The following MITF variants were observed in gnomAD, a reference collection of about 807,000 sequenced individuals.
The protein encoded by MITF is melanocyte inducing transcription factor, also known as microphthalmia-associated transcription factor.
MITF carries 17 observed loss-of-function variants against 60.5 expected under a neutral mutation model. The observed-to-expected ratio is 0.28, with a 90% CI of 0.19 to 0.42. MITF has a LOEUF of 0.42. Among genes scored for constraint, MITF ranks in the 10% least tolerant of loss-of-function variants. MITF has a pLI of 1.00. For missense variants in MITF, 622 were observed against 683.5 expected (o/e 0.91, Z 1.00); for synonymous variants, 260 against 248.5 (o/e 1.05, Z -0.43).
intron 1 of MITF, among the ~76,000 whole-genome samples, chr3:69,838,367 T>A (rs1044078835): frequency 1.1e-4 from 15 of 139,906 alleles, no homozygotes; most frequent in Admixed American, 1.4e-4. Context: ...AAAAAAAAAA[T>A]AGAGGCACAC....
chr3:69,796,517 T>TTTTTTTTGTTG, intron 1 of MITF, among the ~76,000 whole-genome samples: 1 of 117,288 alleles, frequency 8.5e-6, no homozygotes, highest in Non-Finnish European at 1.9e-5. Flanking sequence ...TTTTTTTTTT[T>TTTTTTTTGTTG]GAGACGGAGT....
intron 1 of MITF, among the ~76,000 whole-genome samples, chr3:69,762,028 A>G (rs948394163): frequency 6.6e-6 from 1 of 152,150 alleles, no homozygotes; most frequent in Admixed American, 6.5e-5. Context: ...TCATAAATTT[A>G]TAGCCAGTCT....
chr3:69,854,146 C>G (rs2063875374), intron 1 of MITF, among the ~76,000 whole-genome samples: 1 of 152,218 alleles, frequency 6.6e-6, no homozygotes, highest in Non-Finnish European at 1.5e-5. Context: ...CCGAGCCCAG[C>G]TGATCACTTC....
intron 2 of MITF, among the ~76,000 whole-genome samples, chr3:69,916,300 A>G (rs188226746): frequency 8.5e-5 from 13 of 152,292 alleles, no homozygotes; most frequent in Admixed American, 8.5e-4. Context: ...GAGATTACTG[A>G]TAAATTTTCA....
intron 1 of MITF, among the ~76,000 whole-genome samples, chr3:69,830,064 C>T (rs1035869734): frequency 1.3e-5 from 2 of 152,036 alleles, no homozygotes; most frequent in Non-Finnish European, 2.9e-5. Flanking sequence ...TTCAGCTCTG[C>T]GAATCTAGGA....
intron 2 of MITF, among the ~76,000 whole-genome samples, chr3:69,928,452 A>C (rs1245802827): frequency 6.6e-6 from 1 of 152,184 alleles, no homozygotes; most frequent in Admixed American, 6.5e-5. Context: ...GCAGATTTAA[A>C]AGTCTTCAGG....
chr3:69,755,574 C>T (rs1179260007), intron 1 of MITF, among the ~76,000 whole-genome samples: 3 of 149,918 alleles, frequency 2.0e-5, no homozygotes, highest in African/African-American at 7.4e-5. Context: ...TTGATTGTCA[C>T]ACAATTTCTC....
At chr3:69,813,545 A>T (rs956072997) in intron 1 of MITF, among the ~76,000 whole-genome samples, 33 of 152,174 alleles carry the variant, frequency 2.2e-4, no homozygotes, top group African/African-American at 7.7e-4. Context: ...GAAAAGGAAG[A>T]TCACTGCTAC....
chr3:69,758,893 A>G (rs1255132005), intron 1 of MITF: 1 of 215,070 alleles, frequency 4.6e-6, no homozygotes, highest in Non-Finnish European at 9.4e-6. Flanking sequence ...AATGGAGCTA[A>G]TGGCATGTCC....
chr3:69,828,500 T>C (rs56199973), intron 1 of MITF, among the ~76,000 whole-genome samples: 47,200 of 151,868 alleles, frequency 0.31, 8,862 homozygotes, highest in Non-Finnish European at 0.42. Context: ...GTATACGACA[T>C]TTTAATAGCT....
chr3:69,960,737 C>G (rs960078949), intron 9 of MITF, among the ~76,000 whole-genome samples: 1 of 152,126 alleles, frequency 6.6e-6, no homozygotes, highest in African/African-American at 2.4e-5. Flanking sequence ...AGTATGACAC[C>G]CTAGCGACCA....
chr3:69,754,612 C>G lies in MITF; in HGVS notation c.104+14911C>G, dbSNP rs566459722. 7.2e-5 allele frequency among the ~76,000 whole-genome samples: 11 copies of G among 151,914 alleles called. No homozygotes were observed. In the East Asian group the frequency reaches 2.1e-3, roughly 29 times the overall value. ...CTGTACAGCCTGCAGAACAGTGAACCAATTACATCTCTCTTTTTTTTTTTT... is the reference window on the plus strand; with the variant it reads ...CTGTACAGCCTGCAGAACAGTGAACGAATTACATCTCTCTTTTTTTTTTTT... On this transcript the variant is annotated intron_variant, in intron 1 of 9. Coordinates refer to ENST00000352241, the MANE Select transcript of MITF (RefSeq NM_001354604.2).
intron 1 of MITF, among the ~76,000 whole-genome samples, chr3:69,806,384 C>T (rs2063009001): frequency 6.6e-6 from 1 of 151,992 alleles, no homozygotes; most frequent in Admixed American, 6.6e-5. Context: ...CTGCACCCGG[C>T]CCATTTTACT....
In MITF at chr3:69,937,872, A is replaced by G. The variant is rs1364182537; in HGVS notation, c.405A>G (p.Gln135=). The G allele has an allele frequency of 3.1e-6, 5 of 1,613,982 alleles. No individual in the cohort carries two copies. In the South Asian group the frequency reaches 4.4e-5, roughly 14 times the overall value. Residue 135 remains glutamine (Q), a synonymous_variant, in exon 3 of 10, where the codon CAA becomes CAG. Coordinates refer to ENST00000352241, the MANE Select transcript of MITF (RefSeq NM_001354604.2). The part of the protein sequence containing the change: ...NPTKYHIQQA[Q]RQQVKQYLST... The stretch of plus-strand genomic sequence containing the variant: ...CCAAGTACCACATACAGCAAGCCCA[A>G]CGGCAGCAGGTAAAGCAGTACCTTT...
intron 1 of MITF, among the ~76,000 whole-genome samples, chr3:69,868,869 A>T (rs374555803): frequency 2.0e-5 from 3 of 151,166 alleles, no homozygotes; most frequent in African/African-American, 7.3e-5. Flanking sequence ...ACTGCACTCC[A>T]GCCTGGGAGA....
At chr3:69,893,830 A>G (rs1052093009) in intron 2 of MITF, among the ~76,000 whole-genome samples, 1 of 152,206 alleles carries the variant, frequency 6.6e-6, no homozygotes, top group Non-Finnish European at 1.5e-5. Context: ...GATAAGGAGT[A>G]GTGAGATGCT....
In MITF at chr3:69,830,284, T is replaced by A. The variant is rs77695697; in HGVS notation, c.105-48850T>A. Among the ~76,000 whole-genome samples the A allele has an allele frequency of 9.1e-3, 1,387 of 152,280 alleles. 18 individuals carry two copies. The highest frequency in any genetic ancestry group is 0.031 in the African/African-American group (1,304 of 41,548). On this transcript the variant is annotated intron_variant, in intron 1 of 9. Coordinates refer to ENST00000352241, the MANE Select transcript of MITF (RefSeq NM_001354604.2). ...GGCTTTCCCCTTTGTGCTTCCCTGCTGCATTTGGGCTGGCCTCCTCACTCT... is the reference window on the plus strand; with the variant it reads ...GGCTTTCCCCTTTGTGCTTCCCTGCAGCATTTGGGCTGGCCTCCTCACTCT...
At chr3:69,856,839 G>A (rs2107196982) in intron 1 of MITF, among the ~76,000 whole-genome samples, 1 of 151,868 alleles carries the variant, frequency 6.6e-6, no homozygotes, top group South Asian at 2.1e-4. Flanking sequence ...AATTATTTGA[G>A]GACAAACATT....
chr3:69,923,039 C>A (rs768222111), intron 2 of MITF, among the ~76,000 whole-genome samples: 2 of 152,120 alleles, frequency 1.3e-5, no homozygotes, highest in Non-Finnish European at 2.9e-5. Context: ...AGCGGGGGAC[C>A]AAATTCTCAG....
Sources: gnomAD v4.1 joint callset for allele counts (sites outside exome capture counted in the v4.1 genomes callset) on GRCh38, gnomAD v4.1.1 for gene constraint, MANE v1.5 for transcripts, NCBI Gene and HGNC (gene_info 2026-07-23, HGNC 2026-07-21) for gene names.